Variants in FBXL20 observed in about 807,000 individuals in gnomAD.
FBXL20 encodes the protein F-box/LRR-repeat protein 20.
Under a neutral mutation model 64.0 loss-of-function variants are expected in FBXL20, and 11 were observed. The observed-to-expected ratio is 0.17, with a 90% confidence interval of 0.11 to 0.28. FBXL20 has a LOEUF of 0.28. FBXL20 is among the 10% of genes least tolerant of loss of function. The pLI is 1.00. For synonymous variants in FBXL20, 184 were observed against 189.0 expected, an observed-to-expected ratio of 0.97 and a Z score of 0.22; for missense variants, 303 against 526.2, an observed-to-expected ratio of 0.58 and a Z score of 4.15.
At chr17:39,313,876 C>T (rs2144491892) in intron 2 of FBXL20, among the ~76,000 whole-genome samples, 1 of 152,336 alleles carries the variant, frequency 6.6e-6, no homozygotes, top group East Asian at 1.9e-4. Flanking sequence ...CTCAAGTGAT[C>T]TGCCCACCTT....
At chr17:39,394,943 G>A (rs983037027) in intron 1 of FBXL20, among the ~76,000 whole-genome samples, 2 of 152,076 alleles carry the variant, frequency 1.3e-5, no homozygotes, top group Admixed American at 6.6e-5. Flanking sequence ...TAAAGAGTAG[G>A]AATGAGATCC....
intron 11 of FBXL20, among the ~76,000 whole-genome samples, chr17:39,269,499 C>CA (rs1555602081): frequency 3.4e-5 from 4 of 116,756 alleles, no homozygotes; most frequent in Non-Finnish European, 7.2e-5. Flanking sequence ...GGCCTTTCCT[C>CA]TTTTTTTTTT....
At chr17:39,274,085 T>C (rs556453573) in intron 10 of FBXL20, among the ~76,000 whole-genome samples, 4 of 152,048 alleles carry the variant, frequency 2.6e-5, no homozygotes, top group African/African-American at 9.6e-5. Context: ...ATGTTGCCCA[T>C]GCTGGTCTCA....
intron 9 of FBXL20, among the ~76,000 whole-genome samples, chr17:39,280,235 C>CAAA (rs35241441): frequency 3.8e-5 from 4 of 105,384 alleles, no homozygotes; most frequent in African/African-American, 8.8e-5. Context: ...GACTCCGTCT[C>CAAA]AAAAAAAAAA....
chr17:39,282,972 AG>A (rs2046960747), intron 7 of FBXL20, 117 bp from the exon 8 acceptor site: 1 of 1,178,184 alleles, frequency 8.5e-7, no homozygotes, highest in Non-Finnish European at 1.2e-6. Flanking sequence ...TTTTCCCACA[AG>A]AAAAAACATA....
In FBXL20 at chr17:39,259,139, T is replaced by C. The variant is rs1308980888; in HGVS notation, c.*2321A>G. The C allele has an allele frequency of 6.6e-6, 1 of 152,112 alleles. No individual in the cohort carries two copies. The highest frequency in any genetic ancestry group is 1.5e-5 in the Non-Finnish European group (1 of 68,040). 9.4% of individuals were successfully genotyped at this position (152,112 alleles called of 1,614,324 possible). A position where few individuals can be genotyped will look rare whatever the true frequency, so the allele number is the denominator to read the frequency against. On this transcript the variant is annotated 3_prime_UTR_variant, in exon 15 of 15. Transcript: ENST00000264658. ...ATAAATCAGACTTTATTCTTATATA[T>C]GCTGGTATAATCAGCAACTGCAGCA...
At chr17:39,372,463 G>A (rs1206380543) in intron 1 of FBXL20, among the ~76,000 whole-genome samples, 3 of 132,804 alleles carry the variant, frequency 2.3e-5, no homozygotes, top group Non-Finnish European at 4.6e-5. Flanking sequence ...AGGTTGCAGC[G>A]AGCCGAGATT....
At chr17:39,382,386 T>C (rs1028219941) in intron 1 of FBXL20, among the ~76,000 whole-genome samples, 5 of 138,770 alleles carry the variant, frequency 3.6e-5, no homozygotes, top group African/African-American at 1.4e-4. Flanking sequence ...GAGGTTGCAG[T>C]GAGCCCAGAT....
intron 9 of FBXL20, among the ~76,000 whole-genome samples, chr17:39,277,379 C>T (rs16968705): frequency 0.1 from 15,631 of 152,114 alleles, 866 homozygotes; most frequent in African/African-American, 0.15. Context: ...AGAAAAGTAC[C>T]GTAGGGCTGT....
At chr17:39,377,603 C>T (rs1029865470) in intron 1 of FBXL20, among the ~76,000 whole-genome samples, 1 of 151,776 alleles carries the variant, frequency 6.6e-6, no homozygotes, top group Non-Finnish European at 1.5e-5. Flanking sequence ...CAGGTTCATG[C>T]CATTCTCCTG....
chr17:39,369,402 C>T (rs71383374), intron 1 of FBXL20, among the ~76,000 whole-genome samples: 3 of 151,868 alleles, frequency 2.0e-5, no homozygotes, highest in Non-Finnish European at 2.9e-5. Context: ...GGATTACAGG[C>T]ACACACTACC....
At chr17:39,389,741 C>A (rs2048117989) in intron 1 of FBXL20, among the ~76,000 whole-genome samples, 1 of 152,138 alleles carries the variant, frequency 6.6e-6, no homozygotes. Flanking sequence ...TGGCGTGAAC[C>A]CAGGAGGCGG....
chr17:39,381,889 G>A (rs762945843), intron 1 of FBXL20, among the ~76,000 whole-genome samples: 1 of 151,408 alleles, frequency 6.6e-6, no homozygotes, highest in Non-Finnish European at 1.5e-5. Context: ...GAGGCCAAGA[G>A]GTCAAGACCA....
chr17:39,307,332 G>A (rs1422239067), intron 2 of FBXL20, among the ~76,000 whole-genome samples: 1 of 152,108 alleles, frequency 6.6e-6, no homozygotes, highest in Non-Finnish European at 1.5e-5. Flanking sequence ...ATAGAAGGGT[G>A]GTCAAGGAAA....
chr17:39,313,466 C>T (rs1395280082), intron 2 of FBXL20, among the ~76,000 whole-genome samples: 1 of 151,906 alleles, frequency 6.6e-6, no homozygotes, highest in African/African-American at 2.4e-5. Context: ...CTACTCACCT[C>T]GAGTGATCCG....
At chr17:39,324,114 AT>A (rs1364868154) in intron 2 of FBXL20, among the ~76,000 whole-genome samples, 1 of 146,490 alleles carries the variant, frequency 6.8e-6, no homozygotes, top group Non-Finnish European at 1.5e-5. Flanking sequence ...ATGTCCCAAG[AT>A]TTAGTTCTTA....
intron 3 of FBXL20, among the ~76,000 whole-genome samples, chr17:39,303,230 T>C (rs1403958271): frequency 6.9e-6 from 1 of 145,108 alleles, no homozygotes; most frequent in Non-Finnish European, 1.5e-5. Context: ...AAATGCAAGA[T>C]TAAAATTGTC....
chr17:39,285,615 A>T, intron 6 of FBXL20, 42 bp from the exon 7 acceptor site: 1 of 1,312,428 alleles, frequency 7.6e-7, no homozygotes, highest in Non-Finnish European at 1.1e-6. Flanking sequence ...TAAACAAGAC[A>T]AGTACACATC....
intron 2 of FBXL20, among the ~76,000 whole-genome samples, chr17:39,333,539 G>A (rs2047486251): frequency 6.6e-6 from 1 of 152,212 alleles, no homozygotes; most frequent in Non-Finnish European, 1.5e-5. Flanking sequence ...CCAAAGTGCC[G>A]AGATTGCAGC....
Sources: allele counts gnomAD v4.1 joint callset (sites outside exome capture counted in the v4.1 genomes callset), GRCh38; gene constraint gnomAD v4.1.1; transcripts MANE v1.5; gene names NCBI Gene and HGNC (gene_info 2026-07-23, HGNC 2026-07-21).